COL6A5: variants seen among roughly 807,000 people sequenced by gnomAD.
The protein encoded by COL6A5 is collagen alpha-5(VI) chain.
COL6A5 carries 48 observed loss-of-function variants against 65.6 expected under a neutral mutation model. The ratio of observed to expected loss-of-function variants is 0.73; its 90% CI spans 0.58 to 0.93. The LOEUF is 0.93. Ranked by LOEUF, COL6A5 falls within the 40% of genes least tolerant of loss-of-function variation. COL6A5 has a pLI of 0.00. For synonymous variants in COL6A5, 291 were observed against 322.8 expected (o/e 0.90, Z 1.05); for missense variants, 914 against 928.3 (o/e 0.98, Z 0.20).
At chr3:130,468,978 C>G (rs1168571280) in exon 6 of COL6A5, 1 of 1,612,716 alleles carries the variant, frequency 6.2e-7, no homozygotes, top group Non-Finnish European at 8.5e-7. Context: ...CACATTGCCC[C>G]CACTCCACTG....
chr3:130,393,921 C>T (rs1936496602), intron 7 of COL6A5, among the ~76,000 whole-genome samples: 1 of 152,226 alleles, frequency 6.6e-6, no homozygotes, highest in South Asian at 2.1e-4. Flanking sequence ...TGTTTACCGC[C>T]TGCCCATACT....
intron 5 of COL6A5, among the ~76,000 whole-genome samples, chr3:130,386,809 G>C (rs1267527519): frequency 6.6e-6 from 1 of 151,978 alleles, no homozygotes; most frequent in Non-Finnish European, 1.5e-5. Context: ...GAGGAGATAA[G>C]TTGTGGACAA....
intron 2 of COL6A5, among the ~76,000 whole-genome samples, chr3:130,375,550 T>A (rs1206111414): frequency 6.6e-6 from 1 of 152,128 alleles, no homozygotes; most frequent in Non-Finnish European, 1.5e-5. Flanking sequence ...GACAATTGCT[T>A]ACTCTATAAC....
intron 1 of COL6A5, among the ~76,000 whole-genome samples, chr3:130,351,911 T>C (rs1934729989): frequency 1.3e-5 from 2 of 152,084 alleles, no homozygotes; most frequent in Non-Finnish European, 2.9e-5. Flanking sequence ...CCAACCCAAA[T>C]GTCCATCAAT....
chr3:130,467,374 A>G (rs1420623404), intron 5 of COL6A5, among the ~76,000 whole-genome samples: 1 of 152,024 alleles, frequency 6.6e-6, no homozygotes, highest in Non-Finnish European at 1.5e-5. Flanking sequence ...AGTTAACACC[A>G]GTTAACAATA....
rs1378073311 is a variant in COL6A5 at position 130,398,122 on chromosome 3, G to GTTTTTTTTTT, written c.3991+13_3991+14insTTTTTTTTTT. 1 of 1,160,916 alleles carries GTTTTTTTTTT rather than the reference G, an allele frequency of 8.6e-7. No homozygotes were observed. Among genetic ancestry groups the GTTTTTTTTTT allele is most frequent in the African/African-American group, 1.8e-5 (1 of 54,784 alleles). 71.9% of individuals were successfully genotyped at this position (1,160,916 alleles called of 1,614,324 possible). A position where few individuals can be genotyped will look rare whatever the true frequency, so the allele number is the denominator to read the frequency against. ...GGCTCAGAGAAGCAGGTATTGAGTT[G>GTTTTTTTTTT]TTGTTGTTTTTTTTTTTTTTTTTTT... On this transcript the variant is annotated intron_variant and NMD_transcript_variant, in intron 10 of 41. Transcript: ENST00000312481.
intron 1 of COL6A5, among the ~76,000 whole-genome samples, chr3:130,351,556 A>T (rs1934706109): frequency 6.6e-6 from 1 of 152,258 alleles, no homozygotes; most frequent in Admixed American, 6.5e-5. Flanking sequence ...ATGTGAAAAG[A>T]TGTTTGTCAT....
intron 13 of COL6A5, among the ~76,000 whole-genome samples, chr3:130,404,923 C>G (rs750564687): frequency 1.3e-5 from 2 of 152,188 alleles, no homozygotes; most frequent in Non-Finnish European, 2.9e-5. Context: ...AGTTGGGGTT[C>G]CTGCCCTCAA....
At chr3:130,484,098 A>C in exon 8 of COL6A5, 1 of 1,579,674 alleles carries the variant, frequency 6.3e-7, no homozygotes, top group Non-Finnish European at 8.6e-7. Context: ...GTATAATCCC[A>C]TGTGGTTCTA....
At chr3:130,470,547 A>T (rs1394212426) in intron 6 of COL6A5, among the ~76,000 whole-genome samples, 1 of 152,028 alleles carries the variant, frequency 6.6e-6, no homozygotes, top group African/African-American at 2.4e-5. Context: ...ATAAAATATA[A>T]ACATTTTTTA....
exon 5 of COL6A5, chr3:130,384,863 C>G (rs1286606682): frequency 1.3e-6 from 2 of 1,550,430 alleles, no homozygotes; most frequent in African/African-American, 2.7e-5. Flanking sequence ...AAGCAGCATC[C>G]AGGAGAAACA....
intron 25 of COL6A5, among the ~76,000 whole-genome samples, chr3:130,420,674 T>G (rs1393426686): frequency 6.6e-6 from 1 of 152,118 alleles, no homozygotes; most frequent in Non-Finnish European, 1.5e-5. Flanking sequence ...GAGTGTTTGT[T>G]TTAGGGCATC....
chr3:130,421,143 G>A lies in COL6A5; in HGVS notation c.4951-10G>A. ...TTGAGAAATTGAAAAAAACTGGTGTGTTTACACAGGGAGATTCTGGCATCC... is the reference window on the plus strand; with the variant it reads ...TTGAGAAATTGAAAAAAACTGGTGTATTTACACAGGGAGATTCTGGCATCC... On this transcript the variant is annotated splice_polypyrimidine_tract_variant and intron_variant and NMD_transcript_variant, in intron 25 of 41. Coordinates refer to the COL6A5 transcript ENST00000312481. 1.3e-6 allele frequency: 2 copies of A among 1,550,210 alleles called. No homozygotes were observed. Among genetic ancestry groups the A allele is most frequent in the Non-Finnish European group, 1.7e-6 (2 of 1,145,998 alleles).
chr3:130,367,297 GTGTAATCCAGT>G (rs1935376963), intron 1 of COL6A5, among the ~76,000 whole-genome samples: 1 of 152,174 alleles, frequency 6.6e-6, no homozygotes, highest in African/African-American at 2.4e-5. Context: ...CGGATGTGCT[GTGTAATCCAGT>G]TGTAGACACC....
upstream of COL6A5, chr3:130,431,255 C>G: frequency 1.4e-6 from 1 of 698,256 alleles, no homozygotes; most frequent in Non-Finnish European, 2.6e-6. Context: ...CATTATATAG[C>G]CAAATATTCA....
chr3:130,405,534 G>C (rs1264426306), intron 13 of COL6A5, 54 bp from the exon 14 acceptor site: 2 of 1,316,614 alleles, frequency 1.5e-6, no homozygotes, highest in African/African-American at 2.9e-5. Context: ...TAAACCACTG[G>C]CAGCTTCTGG....
At chr3:130,471,338 A>G (rs1041127946) in intron 7 of COL6A5, among the ~76,000 whole-genome samples, 11 of 152,126 alleles carry the variant, frequency 7.2e-5, no homozygotes, top group African/African-American at 2.7e-4. Context: ...AACATAAAAA[A>G]CAAAACAAAA....
chr3:130,434,075 A>C (rs2107696795), intron 1 of COL6A5, among the ~76,000 whole-genome samples: 1 of 151,784 alleles, frequency 6.6e-6, no homozygotes, highest in Non-Finnish European at 1.5e-5. Flanking sequence ...CCATCTTCTA[A>C]GTTTCCTCGC....
In COL6A5 at chr3:130,421,135, A is replaced by T; in HGVS notation, c.4951-18A>T. ...TTCCACCTTTGAGAAATTGAAAAAA[A>T]CTGGTGTGTTTACACAGGGAGATTC... On this transcript the variant is annotated intron_variant and NMD_transcript_variant, in intron 25 of 41. Coordinates refer to the COL6A5 transcript ENST00000312481. 2 of 1,549,548 alleles carry T rather than the reference A, an allele frequency of 1.3e-6. No individual in the cohort carries two copies. The highest frequency in any genetic ancestry group is 1.7e-6 in the Non-Finnish European group (2 of 1,145,560).
Sources: allele counts gnomAD v4.1 joint callset (sites outside exome capture counted in the v4.1 genomes callset), GRCh38; gene constraint gnomAD v4.1.1; transcripts MANE v1.5; gene names NCBI Gene and HGNC (gene_info 2026-07-23, HGNC 2026-07-21).